Variants in GJC1 observed in about 807,000 individuals in gnomAD.
GJC1 encodes gap junction protein gamma 1, also known as gap junction gamma-1 protein.
In GJC1, 5 loss-of-function variants were observed where a neutral mutation model predicts 29.3. That is an observed-to-expected ratio of 0.17 (90% confidence interval 0.09 to 0.36). GJC1 has a LOEUF of 0.36. GJC1 is among the 10% of genes least tolerant of loss of function. The pLI is 1.00. For missense variants in GJC1, 310 were observed against 496.2 expected, an observed-to-expected ratio of 0.62 and a Z score of 3.56; for synonymous variants, 177 against 183.3, an observed-to-expected ratio of 0.97 and a Z score of 0.28.
intron 1 of GJC1, among the ~76,000 whole-genome samples, chr17:44,811,385 TTTC>T (rs1234494888): frequency 6.7e-6 from 1 of 148,662 alleles, no homozygotes; most frequent in Non-Finnish European, 1.5e-5. Flanking sequence ...CCTGGCCTTT[TTTC>T]TTTTTTTTTT....
intron 1 of GJC1, among the ~76,000 whole-genome samples, chr17:44,815,842 G>A (rs1031638274): frequency 3.3e-5 from 5 of 151,856 alleles, no homozygotes; most frequent in South Asian, 2.1e-4. Context: ...CTTGGGGCGC[G>A]GTGGCTCACG....
intron 1 of GJC1, among the ~76,000 whole-genome samples, chr17:44,808,578 A>G (rs1219279549): frequency 6.6e-6 from 1 of 151,722 alleles, no homozygotes; most frequent in Admixed American, 6.6e-5. Context: ...TGTGAAACCT[A>G]GTCTTCACCA....
At chr17:44,795,665 G>A (rs1001794288), downstream of GJC1, among the ~76,000 whole-genome samples, 28 of 152,218 alleles carry the variant, frequency 1.8e-4, no homozygotes, top group Non-Finnish European at 3.5e-4. Context: ...CATACAGATG[G>A]GCAGGCTGTG....
At chr17:44,828,086 TG>T (rs1217382242) in intron 1 of GJC1, among the ~76,000 whole-genome samples, 2 of 152,164 alleles carry the variant, frequency 1.3e-5, no homozygotes, top group Non-Finnish European at 2.9e-5. Context: ...AGCCTGGACC[TG>T]GGGGGAAGTG....
Position 44,805,531 on chromosome 17 carries a change from A to C in GJC1, c.287T>G (p.Ile96Ser), listed in dbSNP as rs537544644. 2.5e-6 allele frequency: 4 copies of C among 1,614,188 alleles called. No homozygotes were observed. The African/African-American group carries it at 4.0e-5, about 16-fold the overall frequency. ...GTGCTCCATTTTGGCAATCTTGTGG[A>C]TAGCATAGCCCAGGTACATCACAGA... ...TPSVMYLGYA[I>S]HKIAKMEHGE... is the part of the protein sequence containing the mutation. Residue 96 changes from isoleucine to serine, a missense_variant, in exon 3 of 3, where the codon ATC (isoleucine) becomes AGC (serine). By Grantham distance (142) the Ile-to-Ser change is moderately radical. Around this residue, in one of 4 missense-constraint regions of GJC1, gnomAD observed 82 missense variants for 100.7 expected, o/e 0.81. Transcript: ENST00000592524. This position sits in a 1 kb window ranked among gnomAD's most constrained non-coding sequence, Gnocchi z 5.1.
Position 44,799,636 on chromosome 17 carries a change from A to T in GJC1, c.*4991T>A, listed in dbSNP as rs2049818046. 1 of 152,252 alleles carries T rather than the reference A, an allele frequency of 6.6e-6. No individual in the cohort carries two copies. Among genetic ancestry groups the T allele is most frequent in the Non-Finnish European group, 1.5e-5 (1 of 68,056 alleles). 9.4% of individuals were successfully genotyped at this position (152,252 alleles called of 1,614,324 possible). A position where few individuals can be genotyped will look rare whatever the true frequency, so the allele number is the denominator to read the frequency against. ...CCCACTTAATATCATTATTAAAAAC[A>T]GGCTGGGCACAGTGGCTTATGCCTG... On this transcript the variant is annotated 3_prime_UTR_variant, in exon 3 of 3. Coordinates refer to ENST00000592524, the MANE Select transcript of GJC1 (RefSeq NM_005497.4).
chr17:44,805,857 A>C lies in GJC1; in HGVS notation c.-20-20T>G, dbSNP rs1282990004. 9.0e-7 allele frequency: 1 copy of C among 1,110,938 alleles called. No homozygotes were observed. The highest frequency in any genetic ancestry group is 1.3e-6 in the Non-Finnish European group (1 of 768,242). The allele number at this position is 1,110,938 out of a possible 1,614,324, so 68.8% of individuals were successfully genotyped here. A position where few individuals can be genotyped will look rare whatever the true frequency, so the allele number is the denominator to read the frequency against. On this transcript the variant is annotated intron_variant, in intron 2 of 2. Transcript: ENST00000592524. The surrounding 1 kb of genome is among the most constrained non-coding windows in gnomAD (Gnocchi z 5.1). ...TATGCCCTGATAAAAGTGGAAAAAT[A>C]CCAAAATAAAATCAACAAATATTAA...
In GJC1 at chr17:44,819,052, T is replaced by C. The variant is rs188973151; in HGVS notation, c.-97+11010A>G. Among the ~76,000 whole-genome samples the C allele has an allele frequency of 3.1e-4, 47 of 152,342 alleles. 1 individual carries two copies. The East Asian group carries it at 8.7e-3, about 28-fold the overall frequency. The stretch of plus-strand genomic sequence containing the variant: ...TTAAATTATTTTTATTATTTTACTG[T>C]GGTAGAATAGACATAAAATGTACTA... On this transcript the variant is annotated intron_variant, in intron 1 of 2. Coordinates refer to ENST00000592524, the MANE Select transcript of GJC1 (RefSeq NM_005497.4).
In GJC1 at chr17:44,804,745, T is replaced by A. The variant is rs1354247630; in HGVS notation, c.1073A>T (p.His358Leu). 2.5e-6 allele frequency: 4 copies of A among 1,614,166 alleles called. No individual in the cohort carries two copies. Among genetic ancestry groups the A allele is most frequent in the Non-Finnish European group, 3.4e-6 (4 of 1,180,026 alleles). The part of the protein sequence containing the change: ...RLDLAVQAYS[H>L]QNNPHGPREK... ...CCGGGGACCATGAGGGTTGTTTTGG[T>A]GACTGTAGGCCTGAACTGCCAGATC... The change falls in exon 3 of 3, where the codon CAC (histidine) becomes CTC (leucine). Residue 358 changes from histidine (H) to leucine (L), a missense_variant. Physicochemically the swap from His to Leu is moderately conservative, Grantham distance 99. Transcript: ENST00000592524.
Position 44,829,904 on chromosome 17 carries a change from G to A in GJC1, c.-97+158C>T, listed in dbSNP as rs2050212628. Among the ~76,000 whole-genome samples, 6 of 152,016 alleles carry A rather than the reference G, an allele frequency of 3.9e-5. No individual in the cohort carries two copies. In the South Asian group the frequency reaches 1.2e-3, roughly 32 times the overall value. ...CCGGACTCGGCGGGAACCCCTCGGC[G>A]GCGCCCCCCTCCTTCTCCCGCTCTG... On this transcript the variant is annotated intron_variant, in intron 1 of 2. Transcript: ENST00000592524.
At chr17:44,825,169 C>G (rs925374208) in intron 1 of GJC1, among the ~76,000 whole-genome samples, 17 of 87,204 alleles carry the variant, frequency 1.9e-4, no homozygotes, top group Non-Finnish European at 3.1e-4. Context: ...GGCTACAGAA[C>G]AAGACTCTGT....
chr17:44,827,838 T>G (rs543171948), intron 1 of GJC1, among the ~76,000 whole-genome samples: 1 of 150,890 alleles, frequency 6.6e-6, no homozygotes, highest in South Asian at 2.1e-4. Flanking sequence ...CACTCTAGCC[T>G]GGGCGACAGA....
downstream of GJC1, among the ~76,000 whole-genome samples, chr17:44,796,400 C>G (rs914955095): frequency 7.9e-5 from 12 of 152,276 alleles, no homozygotes; most frequent in African/African-American, 2.6e-4. Flanking sequence ...TTGGCTGAAC[C>G]CAGAGGAGTC....
At chr17:44,826,063 G>A (rs963387336) in intron 1 of GJC1, among the ~76,000 whole-genome samples, 7 of 152,074 alleles carry the variant, frequency 4.6e-5, no homozygotes, top group African/African-American at 1.7e-4. Context: ...TGGGATTACA[G>A]ATGACTGCCA....
rs1486802064 is a variant in GJC1, at chr17:44,798,484, T to A, written c.*6143A>T. On this transcript the variant is annotated 3_prime_UTR_variant, in exon 3 of 3. Coordinates refer to ENST00000592524, the MANE Select transcript of GJC1 (RefSeq NM_005497.4). Reference sequence around the variant, plus strand: ...AACTGTATTTGGAATTGACAAAATCTTCCTAGAGACAAGGCCCTGAGCACA... The same window carrying A: ...AACTGTATTTGGAATTGACAAAATCATCCTAGAGACAAGGCCCTGAGCACA... 1.3e-5 allele frequency: 2 copies of A among 152,186 alleles called. No individual in the cohort carries two copies. The highest frequency in any genetic ancestry group is 1.3e-4 in the Admixed American group (2 of 15,278). The allele number at this position is 152,186 out of a possible 1,614,324, so 9.4% of individuals were successfully genotyped here. A position where few individuals can be genotyped will look rare whatever the true frequency, so the allele number is the denominator to read the frequency against.
At chr17:44,814,085 G>A (rs1433877168) in intron 1 of GJC1, among the ~76,000 whole-genome samples, 1 of 152,104 alleles carries the variant, frequency 6.6e-6, no homozygotes, top group Non-Finnish European at 1.5e-5. Context: ...GCCAATTGTG[G>A]TCTCACTGTG....
At chr17:44,795,498 G>A (rs898320549), downstream of GJC1, among the ~76,000 whole-genome samples, 2 of 152,214 alleles carry the variant, frequency 1.3e-5, no homozygotes, top group Non-Finnish European at 2.9e-5. Flanking sequence ...CTCCTAAAGT[G>A]CTGGGATTAC....
Position 44,803,566 on chromosome 17 carries a change from G to A in GJC1, c.*1061C>T, listed in dbSNP as rs1200272726. ...ATAAAAAATAAGAAATTTGGATTTA[G>A]GCCTTCTGCCATTTCCAATACAAGT... On this transcript the variant is annotated 3_prime_UTR_variant, in exon 3 of 3. Transcript: ENST00000592524. 6.6e-6 allele frequency: 1 copy of A among 152,190 alleles called. No individual in the cohort carries two copies. Among genetic ancestry groups the A allele is most frequent in the African/African-American group, 2.4e-5 (1 of 41,438 alleles). 9.4% of individuals were successfully genotyped at this position (152,190 alleles called of 1,614,324 possible).
At chr17:44,797,296 T>C (rs1234234229), downstream of GJC1, among the ~76,000 whole-genome samples, 1 of 152,024 alleles carries the variant, frequency 6.6e-6, no homozygotes, top group Non-Finnish European at 1.5e-5. Context: ...TTAGTAGAGA[T>C]GGGGTTTCAC....
Sources: allele counts gnomAD v4.1 joint callset (sites outside exome capture counted in the v4.1 genomes callset), GRCh38; gene constraint gnomAD v4.1.1; regional missense constraint gnomAD v4.1.1; non-coding constraint Gnocchi (gnomAD v3.1); transcripts MANE v1.5; gene names NCBI Gene and HGNC (gene_info 2026-07-23, HGNC 2026-07-21).